Variants in FRY observed in about 807,000 individuals in gnomAD.
FRY encodes protein furry homolog.
FRY carries 128 observed loss-of-function variants against 348.4 expected under a neutral mutation model. The ratio of observed to expected loss-of-function variants is 0.37; its 90% CI spans 0.32 to 0.43. FRY has a LOEUF of 0.43. Ranked by LOEUF, FRY falls within the 20% of genes least tolerant of loss-of-function variation. FRY has a pLI of 1.00. For synonymous variants in FRY, 1,370 were observed against 1,374.7 expected (o/e 1.00, Z 0.08); for missense variants, 2,736 against 3,695.2 (o/e 0.74, Z 6.73).
chr13:32,261,829 T>C lies in FRY; in HGVS notation c.7617+13T>C. The C allele has an allele frequency of 6.2e-7, 1 of 1,611,600 alleles. No homozygotes were observed. On this transcript the variant is annotated intron_variant, in intron 52 of 60. Transcript: ENST00000542859. Reference sequence around the variant, plus strand: ...GCACTCAGACCTAGTAAGTAGCGGCTCTCCCACTCTAAGAATTGGGAGGCT... The same window carrying C: ...GCACTCAGACCTAGTAAGTAGCGGCCCTCCCACTCTAAGAATTGGGAGGCT...
At chr13:32,193,386 A>G (rs1048389779) in intron 28 of FRY, among the ~76,000 whole-genome samples, 2 of 151,878 alleles carry the variant, frequency 1.3e-5, no homozygotes, top group Admixed American at 6.6e-5. Flanking sequence ...ATCTGCCACT[A>G]TAATTATCAC....
chr13:32,170,883 A>G, intron 17 of FRY, 129 bp from the exon 18 acceptor site: 1 of 755,888 alleles, frequency 1.3e-6, no homozygotes, highest in Admixed American at 2.1e-5. Context: ...TTTACTAAGC[A>G]AAAAATAAGG....
At chr13:32,289,489 T>G in intron 58 of FRY, 144 bp from the exon 59 acceptor site, 1 of 644,910 alleles carries the variant, frequency 1.6e-6, no homozygotes, top group East Asian at 2.8e-5. Context: ...ATGACTGTAT[T>G]TCATTTTTCT....
intron 17 of FRY, among the ~76,000 whole-genome samples, chr13:32,162,228 T>C (rs1432912235): frequency 2.6e-5 from 4 of 152,226 alleles, no homozygotes; most frequent in African/African-American, 4.8e-5. Context: ...TATAATCTGA[T>C]TATGGTATAA....
chr13:32,223,520 A>T (rs1377157592), intron 36 of FRY, among the ~76,000 whole-genome samples: 2 of 152,266 alleles, frequency 1.3e-5, no homozygotes, highest in East Asian at 3.9e-4. Context: ...TCACACCTGT[A>T]ATCCCAAAAC....
At chr13:32,155,250 T>C (rs1351805240) in intron 14 of FRY, among the ~76,000 whole-genome samples, 1 of 151,980 alleles carries the variant, frequency 6.6e-6, no homozygotes, top group Non-Finnish European at 1.5e-5. Context: ...TACATGACCA[T>C]CTCAAACATG....
At chr13:32,284,006 C>T (rs969770500) in intron 58 of FRY, among the ~76,000 whole-genome samples, 3 of 152,172 alleles carry the variant, frequency 2.0e-5, no homozygotes, top group African/African-American at 7.2e-5. Context: ...GCAGACCTCT[C>T]GACTCTGGGT....
At position 32,130,492 on chromosome 13, in the gene FRY, T is replaced by TGTGTG. The variant is rs1566087534; in HGVS notation, c.717-1180_717-1179insGTGTG. ...TGTGTGTGTGTGTGTGTGTGTGTATTTTTTGGTGAATAGACAAACCAGCTG... is the reference window on the plus strand; with the variant it reads ...TGTGTGTGTGTGTGTGTGTGTGTATTGTGTGTTTTGGTGAATAGACAAACCAGCTG... On this transcript the variant is annotated intron_variant, in intron 7 of 60. Coordinates refer to ENST00000542859, the MANE Select transcript of FRY (RefSeq NM_023037.3). Among the ~76,000 whole-genome samples the TGTGTG allele has an allele frequency of 6.1e-4, 43 of 70,652 alleles. 1 individual carries two copies. The highest frequency in any genetic ancestry group is 2.5e-3 in the African/African-American group (42 of 16,624). 46.4% of individuals were successfully genotyped at this position (70,652 alleles called of 152,430 possible).
At chr13:32,183,930 A>G (rs183717087) in intron 24 of FRY, among the ~76,000 whole-genome samples, 3 of 152,178 alleles carry the variant, frequency 2.0e-5, no homozygotes, top group Admixed American at 6.5e-5. Flanking sequence ...TGAGGCTAAG[A>G]GTTTGAGACC....
chr13:32,088,237 T>C (rs1876017149), intron 2 of FRY, among the ~76,000 whole-genome samples: 2 of 152,210 alleles, frequency 1.3e-5, no homozygotes, highest in Admixed American at 6.5e-5. Flanking sequence ...GTAAAAGTAA[T>C]TTCATGTAGC....
At chr13:32,273,291 G>T (rs558959648) in intron 55 of FRY, among the ~76,000 whole-genome samples, 25 of 143,516 alleles carry the variant, frequency 1.7e-4, no homozygotes, top group Middle Eastern at 7.5e-3. Flanking sequence ...GCGCAATCTC[G>T]GCTCACTGCA....
chr13:32,287,868 A>G, intron 58 of FRY: 1 of 1,355,192 alleles, frequency 7.4e-7, no homozygotes, highest in Non-Finnish European at 9.9e-7. Flanking sequence ...GCTGTGTAGC[A>G]AATGGAATCT....
intron 46 of FRY, among the ~76,000 whole-genome samples, chr13:32,241,735 A>T (rs1272211834): frequency 2.0e-5 from 3 of 152,236 alleles, no homozygotes; most frequent in Admixed American, 2.0e-4. Context: ...TTTTAAAAAA[A>T]TGGTTAAAAA....
At chr13:32,063,225 G>A (rs1214073865) in intron 1 of FRY, among the ~76,000 whole-genome samples, 1 of 152,156 alleles carries the variant, frequency 6.6e-6, no homozygotes, top group Admixed American at 6.5e-5. Context: ...AGTTTGCATA[G>A]TCTTCAGTGT....
chr13:32,051,827 C>T (rs1369869229), intron 1 of FRY, among the ~76,000 whole-genome samples: 5 of 152,110 alleles, frequency 3.3e-5, no homozygotes, highest in African/African-American at 1.2e-4. Context: ...CTGTGATATT[C>T]AGAAAGAATG....
chr13:32,083,012 A>C (rs1205694062), intron 2 of FRY, among the ~76,000 whole-genome samples: 2 of 152,090 alleles, frequency 1.3e-5, no homozygotes, highest in Non-Finnish European at 2.9e-5. Context: ...CTTAACTATT[A>C]ATTATATGAA....
At chr13:32,186,551 C>CA (rs1293421735) in intron 27 of FRY, 131 bp downstream of exon 27, 2 of 698,590 alleles carry the variant, frequency 2.9e-6, no homozygotes, top group South Asian at 3.2e-5. Flanking sequence ...AGCGCACATA[C>CA]AAAAAAATCA....
At chr13:32,210,776 A>G (rs1884638695) in intron 33 of FRY, 90 bp from the exon 34 acceptor site, 1 of 1,043,188 alleles carries the variant, frequency 9.6e-7, no homozygotes, top group Admixed American at 1.9e-5. Context: ...CTGCATGATG[A>G]CAACTTATCT....
At chr13:32,174,583 C>T (rs923404721) in intron 19 of FRY, among the ~76,000 whole-genome samples, 1 of 152,148 alleles carries the variant, frequency 6.6e-6, no homozygotes, top group Admixed American at 6.6e-5. Context: ...TAACTGCCTC[C>T]TGCAAAATCA....
Sources: gnomAD v4.1 joint callset for allele counts (sites outside exome capture counted in the v4.1 genomes callset) on GRCh38, gnomAD v4.1.1 for gene constraint, MANE v1.5 for transcripts, NCBI Gene and HGNC (gene_info 2026-07-23, HGNC 2026-07-21) for gene names.